Variants in ZNF177 observed in about 807,000 individuals in gnomAD.
ZNF177 encodes zinc finger protein 177.
Under a neutral mutation model 19.4 loss-of-function variants are expected in ZNF177, and 17 were observed. The observed-to-expected ratio is 0.87, with a 90% CI of 0.60 to 1.31. The LOEUF (loss-of-function observed/expected upper bound fraction) is 1.31, where lower values mean the gene tolerates loss of function less well. ZNF177 is among the 40% of genes most tolerant of loss of function. The pLI, the probability that ZNF177 is intolerant of heterozygous loss-of-function variation, is 0.00. For synonymous variants in ZNF177, 220 were observed against 188.7 expected, an observed-to-expected ratio of 1.17 and a Z score of -1.36; for missense variants, 633 against 561.8, an observed-to-expected ratio of 1.13 and a Z score of -1.28.
chr19:9,366,847 T>C (rs999299838), intron 2 of ZNF177, among the ~76,000 whole-genome samples: 3 of 152,212 alleles, frequency 2.0e-5, no homozygotes, highest in African/African-American at 7.2e-5. Flanking sequence ...CACATCCTCA[T>C]CCACACTTGT....
upstream of ZNF177, among the ~76,000 whole-genome samples, chr19:9,373,249 G>A (rs886078080): frequency 2.6e-5 from 4 of 152,054 alleles, no homozygotes; most frequent in African/African-American, 7.2e-5. Flanking sequence ...GTCTATGTCC[G>A]CCTTATTTTA....
At position 9,379,558 on chromosome 19, in the gene ZNF177, C is replaced by A. The variant is rs771549930; in HGVS notation, c.192C>A (p.Ser64=). The stretch of plus-strand genomic sequence containing the variant: ...AGCTCTGCAGACACAGTCTGATCTC[C>A]AAGGTGGATCAAGAACAGCTGAAGA... The change falls in exon 4 of 6, where the codon TCC becomes TCA. Residue 64 remains serine (S), a synonymous_variant. Coordinates refer to ENST00000589262, the Ensembl canonical transcript of ZNF177. The A allele has an allele frequency of 1.9e-5, 31 of 1,613,904 alleles. No individual in the cohort carries two copies. The East Asian group carries it at 6.2e-4, about 32-fold the overall frequency.
At chr19:9,382,070 A>G (rs941077906) in exon 6 of ZNF177, 5 of 428,826 alleles carry the variant, frequency 1.2e-5, no homozygotes, top group South Asian at 7.6e-5. Context: ...TCTGTGTGAC[A>G]TAGATTTGAA....
chr19:9,381,823 C>T (rs1355723632), exon 6 of ZNF177: 2 of 1,543,190 alleles, frequency 1.3e-6, no homozygotes, highest in Non-Finnish European at 1.7e-6. Flanking sequence ...TCCTTTCTCA[C>T]TTTAGAACAT....
At chr19:9,381,766 C>T (rs766935946) in exon 6 of ZNF177, 12 of 1,596,540 alleles carry the variant, frequency 7.5e-6, no homozygotes, top group Non-Finnish European at 1.0e-5. Flanking sequence ...TGGCCAGAAA[C>T]TCCATGAATG....
chr19:9,367,979 A>G (rs568625643), intron 2 of ZNF177, among the ~76,000 whole-genome samples: 1 of 152,326 alleles, frequency 6.6e-6, no homozygotes, highest in African/African-American at 2.4e-5. Flanking sequence ...AGTTTAAGTA[A>G]CCAGTCTTCA....
At chr19:9,379,756 A>T in intron 4 of ZNF177, 137 bp downstream of exon 6, 1 of 1,036,496 alleles carries the variant, frequency 9.6e-7, no homozygotes, top group South Asian at 1.8e-5. Flanking sequence ...TCAATCGTTC[A>T]TACGTTCATT....
At chr19:9,369,658 T>TG (rs371951155) in intron 2 of ZNF177, among the ~76,000 whole-genome samples, 370 of 24,578 alleles carry the variant, frequency 0.015, no homozygotes, top group Middle Eastern at 0.11. Flanking sequence ...ATTTGACCTA[T>TG]TTTTTTTGTT....
chr19:9,366,617 G>A (rs1236582491), intron 2 of ZNF177, among the ~76,000 whole-genome samples: 3 of 152,132 alleles, frequency 2.0e-5, no homozygotes, highest in Admixed American at 6.6e-5. Flanking sequence ...TCATTTATCC[G>A]TTCATCGGTA....
At chr19:9,380,887 A>G in exon 6 of ZNF177, 1 of 1,536,146 alleles carries the variant, frequency 6.5e-7, no homozygotes, top group Non-Finnish European at 8.7e-7. Context: ...AAAAGCTTTC[A>G]ATCAAGAGTC....
chr19:9,374,256 C>G (rs2068082616), upstream of ZNF177, among the ~76,000 whole-genome samples: 1 of 152,072 alleles, frequency 6.6e-6, no homozygotes, highest in African/African-American at 2.4e-5. Flanking sequence ...TTACATTTGT[C>G]TCCGTTTTTA....
chr19:9,373,715 T>C (rs1449482745), upstream of ZNF177, among the ~76,000 whole-genome samples: 1 of 152,214 alleles, frequency 6.6e-6, no homozygotes, highest in Non-Finnish European at 1.5e-5. Context: ...CTTTTTCATA[T>C]ACCTACTGGC....
chr19:9,376,593 A>C (rs539578462), intron 1 of ZNF177, among the ~76,000 whole-genome samples, 170 bp downstream of exon 3: 1 of 152,124 alleles, frequency 6.6e-6, no homozygotes, highest in Non-Finnish European at 1.5e-5. Context: ...TGTGGCTACT[A>C]TGAAGCTTAA....
At chr19:9,379,929 T>C (rs1451149078) in intron 4 of ZNF177, 128 bp from the exon 7 acceptor site, 1 of 1,116,882 alleles carries the variant, frequency 9.0e-7, no homozygotes, top group African/African-American at 1.6e-5. Context: ...TCACTGGTTG[T>C]GTCTTCTTTC....
chr19:9,379,083 C>T, exon 3 of ZNF177: 1 of 1,606,730 alleles, frequency 6.2e-7, no homozygotes, highest in Non-Finnish European at 8.5e-7. Context: ...AACCTGGCCT[C>T]AGTAGGTAAG....
Position 9,377,291 on chromosome 19 carries a change from A to C in ZNF177, c.-54+868A>C, listed in dbSNP as rs189484238. ...GATTATATACAGTACATAATAATGA[A>C]TAGTAATAAGTGACCACATTACTGG... On this transcript the variant is annotated intron_variant, in intron 1 of 5. Coordinates refer to ENST00000589262, the Ensembl canonical transcript of ZNF177. Among the ~76,000 whole-genome samples, 6 of 152,298 alleles carry C rather than the reference A, an allele frequency of 3.9e-5. 1 individual carries two copies. Among genetic ancestry groups the C allele is most frequent in the Admixed American group, 2.0e-4 (3 of 15,296 alleles).
At chr19:9,365,459 G>A (rs1299603108) in intron 2 of ZNF177, among the ~76,000 whole-genome samples, 1 of 151,882 alleles carries the variant, frequency 6.6e-6, no homozygotes, top group Non-Finnish European at 1.5e-5. Context: ...TAGAGATATG[G>A]AGAGAAGGGT....
intron 2 of ZNF177, among the ~76,000 whole-genome samples, chr19:9,365,325 G>A (rs2067962555): frequency 6.6e-6 from 1 of 151,918 alleles, no homozygotes; most frequent in African/African-American, 2.4e-5. Flanking sequence ...CCAGAAAAAA[G>A]AGAGAGTAGA....
chr19:9,364,368 G>C (rs2067948355), intron 1 of ZNF177, among the ~76,000 whole-genome samples: 1 of 152,170 alleles, frequency 6.6e-6, no homozygotes, highest in Non-Finnish European at 1.5e-5. Flanking sequence ...TGTGATGCTA[G>C]CAGAGAATTC....
Sources: gnomAD v4.1 joint callset for allele counts (sites outside exome capture counted in the v4.1 genomes callset) on GRCh38, gnomAD v4.1.1 for gene constraint, MANE v1.5 for transcripts, NCBI Gene and HGNC (gene_info 2026-07-23, HGNC 2026-07-21) for gene names.